The following INSL6 variants were observed in gnomAD, a reference collection of about 807,000 sequenced individuals.
The protein encoded by INSL6 is insulin-like peptide INSL6.
INSL6 carries 16 observed loss-of-function variants against 9.4 expected under a neutral mutation model. The ratio of observed to expected loss-of-function variants is 1.70; its 90% confidence interval spans 1.15 to 2.59. INSL6 has a LOEUF of 2.59. Ranked by LOEUF, INSL6 falls within the 30% of genes most tolerant of loss-of-function variation. INSL6 has a pLI of 0.00. For synonymous variants in INSL6, 154 were observed against 96.9 expected, an observed-to-expected ratio of 1.59 and a Z score of -3.46; for missense variants, 391 against 257.3, an observed-to-expected ratio of 1.52 and a Z score of -3.56.
chr9:5,076,230 G>T, the INSL6 span, among the ~76,000 whole-genome samples: 2 of 152,204 alleles, frequency 1.3e-5, no homozygotes, highest in African/African-American at 4.8e-5. Flanking sequence ...AAACTTGATT[G>T]ATCAAGCAGT....
At chr9:5,090,021 A>G in the INSL6 span, among the ~76,000 whole-genome samples, 6 of 152,222 alleles carry the variant, frequency 3.9e-5, no homozygotes, top group African/African-American at 1.2e-4. Flanking sequence ...ATCATAGACT[A>G]TAACTATAGG....
chr9:5,032,634 A>C, the INSL6 span, among the ~76,000 whole-genome samples: 3 of 152,356 alleles, frequency 2.0e-5, no homozygotes, highest in East Asian at 3.9e-4. Flanking sequence ...CCAGGCAAAC[A>C]GGGTCTGGAG....
intron 2 of INSL6, among the ~76,000 whole-genome samples, chr9:5,145,215 C>T (rs773968412): frequency 3.3e-5 from 5 of 151,558 alleles, no homozygotes; most frequent in Non-Finnish European, 7.4e-5. Flanking sequence ...TTCTCGTTCA[C>T]TTATGAAGCT....
the INSL6 span, among the ~76,000 whole-genome samples, chr9:5,037,468 CAAT>C: frequency 2.0e-5 from 3 of 152,300 alleles, no homozygotes; most frequent in Admixed American, 6.5e-5. Context: ...AGATGTCCAA[CAAT>C]GATAGACTGG....
chr9:5,056,891 T>TG, the INSL6 span, among the ~76,000 whole-genome samples: 1 of 152,192 alleles, frequency 6.6e-6, no homozygotes, highest in Non-Finnish European at 1.5e-5. Context: ...AAGGGCACAG[T>TG]GTTAGTTAAG....
the INSL6 span, among the ~76,000 whole-genome samples, chr9:5,028,893 T>A: frequency 6.6e-6 from 1 of 152,230 alleles, no homozygotes; most frequent in East Asian, 1.9e-4. Context: ...ATCTTCTATC[T>A]AGACCACTCA....
At chr9:5,068,982 G>T in the INSL6 span, 93 of 1,179,878 alleles carry the variant, frequency 7.9e-5, no homozygotes, top group Admixed American at 4.5e-5. Context: ...GATGTCCATT[G>T]TGACTATCCC....
At chr9:5,080,156 A>G in the INSL6 span, 7 of 1,160,964 alleles carry the variant, frequency 6.0e-6, no homozygotes, top group Non-Finnish European at 7.3e-6. Context: ...TTTGAACTTT[A>G]AAGCTATTTA....
At chr9:5,005,152 G>A in the INSL6 span, among the ~76,000 whole-genome samples, 1 of 111,594 alleles carries the variant, frequency 9.0e-6, no homozygotes, top group East Asian at 2.8e-4. Flanking sequence ...GTCTCACTGT[G>A]TTGCCCAGGC....
At chr9:5,126,293 A>C (rs756419929) in intron 3 of INSL6, 1 of 1,414,762 alleles carries the variant, frequency 7.1e-7, no homozygotes, top group Non-Finnish European at 9.9e-7. Flanking sequence ...TTTGCTACAA[A>C]TTAAATGTAC....
chr9:5,174,231 C>G (rs532254527), intron 1 of INSL6, among the ~76,000 whole-genome samples: 1 of 152,280 alleles, frequency 6.6e-6, no homozygotes, highest in East Asian at 1.9e-4. Flanking sequence ...CCCCACTTAC[C>G]ATGCCAGCTA....
chr9:5,029,759 T>C, the INSL6 span: 1 of 1,593,166 alleles, frequency 6.3e-7, no homozygotes, highest in East Asian at 2.2e-5. Context: ...CCTTTAATAA[T>C]TCCTTTCTCT....
chr9:5,145,475 T>G (rs1271033522), intron 2 of INSL6, among the ~76,000 whole-genome samples: 1 of 152,206 alleles, frequency 6.6e-6, no homozygotes, highest in African/African-American at 2.4e-5. Flanking sequence ...TGGGGTTGTC[T>G]GCATTTCCTG....
At chr9:5,150,690 C>A (rs770738382) in intron 2 of INSL6, among the ~76,000 whole-genome samples, 16 of 152,122 alleles carry the variant, frequency 1.1e-4, no homozygotes, top group African/African-American at 3.9e-4. Flanking sequence ...AATACAACTA[C>A]TATTTAATCC....
chr9:5,019,603 G>A, the INSL6 span, among the ~76,000 whole-genome samples: 1 of 152,066 alleles, frequency 6.6e-6, no homozygotes, highest in Admixed American at 6.5e-5. Context: ...ATTTCCCTAT[G>A]TTCCCATGTT....
chr9:5,055,592 G>A, the INSL6 span: 17 of 1,135,312 alleles, frequency 1.5e-5, no homozygotes, highest in Non-Finnish European at 2.0e-5. Flanking sequence ...TGGAAAGAAT[G>A]TTGTCTTCTT....
At chr9:5,082,447 G>A in the INSL6 span, among the ~76,000 whole-genome samples, 22 of 152,188 alleles carry the variant, frequency 1.4e-4, no homozygotes, top group Non-Finnish European at 2.9e-4. Context: ...CTCGCCTCCC[G>A]CCACAGGGCA....
At chr9:5,075,189 C>T in the INSL6 span, among the ~76,000 whole-genome samples, 1 of 151,966 alleles carries the variant, frequency 6.6e-6, no homozygotes, top group East Asian at 1.9e-4. Context: ...ATGTGCACAG[C>T]ATAAGTGCAA....
At chr9:5,064,508 C>T in the INSL6 span, among the ~76,000 whole-genome samples, 1 of 141,116 alleles carries the variant, frequency 7.1e-6, no homozygotes, top group Admixed American at 7.4e-5. Context: ...TCAGCCTGGG[C>T]GATGGAGCAA....
Sources: gnomAD v4.1 joint callset for allele counts (sites outside exome capture counted in the v4.1 genomes callset) on GRCh38, gnomAD v4.1.1 for gene constraint, MANE v1.5 for transcripts, NCBI Gene and HGNC (gene_info 2026-07-23, HGNC 2026-07-21) for gene names.